Variants in SLC12A6 observed in about 807,000 individuals in gnomAD.
SLC12A6 encodes the protein K-Cl cotransporter 3.
A neutral mutation model predicts 135.3 loss-of-function variants in SLC12A6; 66 were observed. That is an observed-to-expected ratio of 0.49 (90% CI 0.40 to 0.60). SLC12A6 has a LOEUF of 0.60. Among genes scored for constraint, SLC12A6 ranks in the 20% least tolerant of loss-of-function variants. The pLI is 0.00. For missense variants in SLC12A6, 1,058 were observed against 1,452.3 expected (o/e 0.73, Z 4.41); for synonymous variants, 513 against 508.8 (o/e 1.01, Z -0.11).
In SLC12A6 at chr15:34,236,747, G is replaced by A. The variant is rs4577050; in HGVS notation, c.3003C>T (p.Leu1001=). The change falls in exon 23 of 26, where the codon CTC becomes CTT. Residue 1001 remains leucine, a synonymous_variant. Transcript: ENST00000354181. Reference sequence around the variant, plus strand: ...CTGTTTTGGATAGCCGCATGTGCCGGAGCATCTGGGACCTTTGTTCCATCA... The same window carrying A: ...CTGTTTTGGATAGCCGCATGTGCCGAAGCATCTGGGACCTTTGTTCCATCA... ...TLMMEQRSQM[L]RHMRLSKTER... 1,071,485 of 1,607,134 alleles carry A rather than the reference G, an allele frequency of 0.67. 360,633 individuals are homozygous for A. The highest frequency in any genetic ancestry group is 0.72 in the East Asian group (32,082 of 44,844).
chr15:34,250,567 G>T (rs1008817255), intron 12 of SLC12A6, 64 bp downstream of exon 12: 3 of 931,778 alleles, frequency 3.2e-6, no homozygotes, highest in East Asian at 4.8e-5. Context: ...TAAAAATACT[G>T]ATCATCTAGT....
chr15:34,318,894 T>C (rs1429798979), intron 2 of SLC12A6: 2 of 1,215,662 alleles, frequency 1.6e-6, no homozygotes, highest in East Asian at 6.2e-5. Context: ...TATCATTCAC[T>C]TAAAAGGATT....
At chr15:34,290,426 T>A (rs7183269) in intron 2 of SLC12A6, among the ~76,000 whole-genome samples, 1 of 152,060 alleles carries the variant, frequency 6.6e-6, no homozygotes, top group Non-Finnish European at 1.5e-5. Context: ...GAATAAGTGC[T>A]ATGTGGTGCT....
intron 10 of SLC12A6, among the ~76,000 whole-genome samples, 191 bp from the exon 11 acceptor site, chr15:34,251,248 T>TG (rs1566812606): frequency 1.3e-5 from 2 of 152,046 alleles, no homozygotes; most frequent in South Asian, 4.1e-4. Context: ...ATAGTTTTTT[T>TG]TTTGTTTGTT....
intron 13 of SLC12A6, 137 bp from the exon 14 acceptor site, chr15:34,246,004 C>T (rs1891960367): frequency 1.3e-6 from 1 of 741,864 alleles, no homozygotes; most frequent in African/African-American, 1.7e-5. Context: ...GTGATCTTGG[C>T]TCACTCCAAA....
At chr15:34,249,874 T>C (rs1249065481) in intron 13 of SLC12A6, among the ~76,000 whole-genome samples, 1 of 152,222 alleles carries the variant, frequency 6.6e-6, no homozygotes, top group East Asian at 1.9e-4. Flanking sequence ...CATTCATATA[T>C]TTTCTTATTG....
intron 2 of SLC12A6, chr15:34,299,509 T>C (rs962944852): frequency 1.3e-5 from 2 of 152,200 alleles, no homozygotes; most frequent in African/African-American, 4.8e-5. Context: ...GTGATTGCAG[T>C]GGGTGACTAA....
chr15:34,230,149 TA>T lies in SLC12A6; in HGVS notation c.*3731del. On this transcript the variant is annotated 3_prime_UTR_variant, in exon 26 of 26. Coordinates refer to ENST00000354181, the MANE Select transcript of SLC12A6 (RefSeq NM_001365088.1). ...AAATTAAATGGTTGAGAACAATGCA[TA>T]AAAAAAGTTGCACAAGTTCCTTATT... 4 of 235,638 alleles carry T rather than the reference TA, an allele frequency of 1.7e-5. No homozygotes were observed. The highest frequency in any genetic ancestry group is 8.6e-5 in the East Asian group (1 of 11,594). 14.6% of individuals were successfully genotyped at this position (235,638 alleles called of 1,614,324 possible).
At chr15:34,274,589 C>A (rs1002297598) in intron 3 of SLC12A6, among the ~76,000 whole-genome samples, 1 of 151,930 alleles carries the variant, frequency 6.6e-6, no homozygotes, top group African/African-American at 2.4e-5. Flanking sequence ...CAGAGGTGGG[C>A]GGATCACGAG....
intron 13 of SLC12A6, 62 bp from the exon 14 acceptor site, chr15:34,245,929 G>T (rs931984044): frequency 1.5e-5 from 20 of 1,321,814 alleles, no homozygotes; most frequent in Admixed American, 3.6e-5. Context: ...AAAGACTAGA[G>T]ATATTCACCC....
chr15:34,319,786 G>A (rs1175474716), intron 2 of SLC12A6, among the ~76,000 whole-genome samples: 1 of 149,976 alleles, frequency 6.7e-6, no homozygotes, highest in African/African-American at 2.5e-5. Flanking sequence ...GCGACAGAGC[G>A]AGACTCTGTC....
intron 2 of SLC12A6, among the ~76,000 whole-genome samples, chr15:34,293,009 C>A (rs1408654288): frequency 6.6e-6 from 1 of 152,170 alleles, no homozygotes; most frequent in African/African-American, 2.4e-5. Context: ...GCTCACCCTC[C>A]GTGGGCTGCA....
intron 2 of SLC12A6, among the ~76,000 whole-genome samples, chr15:34,335,891 T>C (rs866578436): frequency 3.3e-5 from 5 of 152,360 alleles, no homozygotes; most frequent in Non-Finnish European, 7.3e-5. Flanking sequence ...TGGGCTTAGC[T>C]ACTTGTGTCA....
intron 6 of SLC12A6, among the ~76,000 whole-genome samples, chr15:34,256,609 G>GAAAATAGGTTAGAACCTGACT (rs958432842): frequency 2.0e-5 from 3 of 152,202 alleles, no homozygotes; most frequent in African/African-American, 4.8e-5. Context: ...AAATAACTCA[G>GAAAATAGGTTAGAACCTGACT]AAAATAGGTT....
chr15:34,246,972 AG>A (rs1407833579), intron 13 of SLC12A6, among the ~76,000 whole-genome samples: 3 of 152,194 alleles, frequency 2.0e-5, no homozygotes, highest in Admixed American at 2.0e-4. Flanking sequence ...GATTCTTAAG[AG>A]GGAATAACTA....
chr15:34,258,776 C>A (rs755457045), intron 5 of SLC12A6, 37 bp downstream of exon 5: 1 of 1,566,390 alleles, frequency 6.4e-7, no homozygotes, highest in Admixed American at 1.7e-5. Flanking sequence ...ATATACAGGG[C>A]TCTTTCTATG....
At position 34,238,289 on chromosome 15, in the gene SLC12A6, C is replaced by A; in HGVS notation, c.2745G>T (p.Trp915Cys). The change falls in exon 21 of 26, where the codon TGG (tryptophan) becomes TGT (cysteine). Residue 915 changes from tryptophan to cysteine, a missense_variant. Physicochemically the swap from Trp to Cys is radical, Grantham distance 215. Around this residue, in one of 6 missense-constraint regions of SLC12A6, gnomAD observed 245 missense variants for 440.8 expected, o/e 0.56. Transcript: ENST00000354181. ...QFSEGNIDVW[W>C]IVHDGGMLML... is the part of the protein sequence containing the mutation. ...TAAGCATCCCCCCATCATGCACAAT[C>A]CACCACACATCAATGTTGCCCTCAG... 6.2e-7 allele frequency: 1 copy of A among 1,613,636 alleles called. No individual in the cohort carries two copies. Among genetic ancestry groups the A allele is most frequent in the Non-Finnish European group, 8.5e-7 (1 of 1,179,494 alleles).
intron 2 of SLC12A6, among the ~76,000 whole-genome samples, chr15:34,290,857 T>C (rs1454254609): frequency 6.6e-6 from 1 of 152,214 alleles, no homozygotes; most frequent in Non-Finnish European, 1.5e-5. Context: ...CATCCCTTTA[T>C]TTTGAGCCTA....
Position 34,230,601 on chromosome 15 carries a change from A to T in SLC12A6, c.*3280T>A, listed in dbSNP as rs1890860642. ...TGGTAAAGTCATAGGTAAGACTCAA[A>T]AGCGGGATCTTATTCAAAAGGCAGG... On this transcript the variant is annotated 3_prime_UTR_variant, in exon 26 of 26. Coordinates refer to ENST00000354181, the MANE Select transcript of SLC12A6 (RefSeq NM_001365088.1). The T allele has an allele frequency of 6.6e-6, 1 of 152,660 alleles. No homozygotes were observed. The highest frequency in any genetic ancestry group is 1.9e-4 in the East Asian group (1 of 5,198). 9.5% of individuals were successfully genotyped at this position (152,660 alleles called of 1,614,324 possible).
Sources: allele counts gnomAD v4.1 joint callset (sites outside exome capture counted in the v4.1 genomes callset), GRCh38; gene constraint gnomAD v4.1.1; regional missense constraint gnomAD v4.1.1; transcripts MANE v1.5; gene names NCBI Gene and HGNC (gene_info 2026-07-23, HGNC 2026-07-21).